TNFRSF19: variants seen among roughly 807,000 people sequenced by gnomAD.
TNFRSF19 encodes TNF receptor superfamily member 19, also known as tumor necrosis factor receptor superfamily member 19.
In TNFRSF19, 27 loss-of-function variants were observed where a neutral mutation model predicts 46.4. The observed-to-expected ratio is 0.58, with a 90% CI of 0.43 to 0.80. The LOEUF is 0.80. Ranked by LOEUF, TNFRSF19 falls within the 30% of genes least tolerant of loss-of-function variation. The pLI, the probability that TNFRSF19 is intolerant of heterozygous loss-of-function variation, is 0.00. For synonymous variants in TNFRSF19, 204 were observed against 205.0 expected (o/e 1.00, Z 0.04); for missense variants, 511 against 530.8 (o/e 0.96, Z 0.37).
At chr13:23,620,300 C>T (rs1485256563) in intron 4 of TNFRSF19, among the ~76,000 whole-genome samples, 1 of 152,174 alleles carries the variant, frequency 6.6e-6, no homozygotes, top group Non-Finnish European at 1.5e-5. Flanking sequence ...AGGCAAAAGG[C>T]AGGCATTGCT....
intron 4 of TNFRSF19, 22 bp from the exon 5 acceptor site, chr13:23,626,685 A>C: frequency 1.2e-6 from 2 of 1,609,852 alleles, no homozygotes; most frequent in Non-Finnish European, 1.7e-6. Flanking sequence ...GTTAACAAGG[A>C]GTATTTTCCT....
intron 4 of TNFRSF19, 105 bp downstream of exon 4, chr13:23,616,150 T>G: frequency 8.4e-7 from 1 of 1,185,144 alleles, no homozygotes; most frequent in Non-Finnish European, 1.2e-6. Context: ...GGTATTAACC[T>G]GAAGATGCTG....
intron 4 of TNFRSF19, 73 bp downstream of exon 4, chr13:23,616,118 A>G: frequency 1.4e-6 from 2 of 1,460,858 alleles, no homozygotes; most frequent in South Asian, 1.4e-5. Flanking sequence ...CCCTTGTTCC[A>G]TTCTAAACTG....
At chr13:23,590,061 T>G in intron 1 of TNFRSF19, 89 bp from the exon 2 acceptor site, 1 of 568,554 alleles carries the variant, frequency 1.8e-6, no homozygotes, top group Non-Finnish European at 3.1e-6. Flanking sequence ...TTACCTAGTC[T>G]ATATAGTAAG....
chr13:23,617,861 G>A (rs913022746), intron 4 of TNFRSF19, among the ~76,000 whole-genome samples: 6 of 152,168 alleles, frequency 3.9e-5, no homozygotes, highest in Non-Finnish European at 8.8e-5. Context: ...CACATCATGG[G>A]AGTCTAACAT....
chr13:23,626,578 G>A (rs1882026362), intron 4 of TNFRSF19, 129 bp from the exon 5 acceptor site: 1 of 770,394 alleles, frequency 1.3e-6, no homozygotes, highest in South Asian at 1.8e-5. Flanking sequence ...GTCTACCTAA[G>A]ATACTATTAT....
intron 3 of TNFRSF19, among the ~76,000 whole-genome samples, chr13:23,596,949 C>G (rs1879774854): frequency 6.6e-6 from 1 of 152,196 alleles, no homozygotes; most frequent in South Asian, 2.1e-4. Flanking sequence ...GAAACTCACT[C>G]AAAGCCGCAC....
At chr13:23,649,243 A>G (rs960956562) in intron 5 of TNFRSF19, among the ~76,000 whole-genome samples, 4 of 152,062 alleles carry the variant, frequency 2.6e-5, no homozygotes, top group Non-Finnish European at 5.9e-5. Context: ...TACTGATTCA[A>G]TCTCTTCGGT....
intron 7 of TNFRSF19, among the ~76,000 whole-genome samples, chr13:23,665,473 T>C (rs2138408008): frequency 6.6e-6 from 1 of 152,318 alleles, no homozygotes; most frequent in Non-Finnish European, 1.5e-5. Flanking sequence ...TTTTTCCCTT[T>C]AACTTTTTAT....
intron 3 of TNFRSF19, among the ~76,000 whole-genome samples, chr13:23,604,855 A>C (rs547925177): frequency 6.6e-6 from 1 of 152,312 alleles, no homozygotes; most frequent in Middle Eastern, 3.4e-3. Context: ...CTAACTGTAA[A>C]ATGCAAAGCT....
chr13:23,602,590 C>T (rs1028221456), intron 3 of TNFRSF19, among the ~76,000 whole-genome samples: 9 of 152,040 alleles, frequency 5.9e-5, no homozygotes, highest in Admixed American at 3.9e-4. Flanking sequence ...GAAAATTCAC[C>T]AAGCTAGACC....
intron 1 of TNFRSF19, among the ~76,000 whole-genome samples, chr13:23,577,878 C>T (rs772533816): frequency 1.3e-5 from 2 of 151,984 alleles, no homozygotes; most frequent in Non-Finnish European, 2.9e-5. Context: ...TTCAGCCTGA[C>T]AGTAGCAGTG....
chr13:23,604,527 G>A (rs1419689182), intron 3 of TNFRSF19, among the ~76,000 whole-genome samples: 1 of 152,028 alleles, frequency 6.6e-6, no homozygotes, highest in Non-Finnish European at 1.5e-5. Context: ...ATATGTAGAG[G>A]CAAAAGACCC....
chr13:23,597,527 C>T (rs184332664), intron 3 of TNFRSF19, among the ~76,000 whole-genome samples: 1 of 152,258 alleles, frequency 6.6e-6, no homozygotes, highest in Non-Finnish European at 1.5e-5. Flanking sequence ...GACACATACA[C>T]CCTCCCTAGA....
intron 1 of TNFRSF19, among the ~76,000 whole-genome samples, chr13:23,582,652 G>T (rs575320794): frequency 6.6e-6 from 1 of 152,114 alleles, no homozygotes; most frequent in African/African-American, 2.4e-5. Context: ...AATCCTGATG[G>T]TGAACACATA....
At chr13:23,630,991 G>A (rs1458558135) in intron 5 of TNFRSF19, among the ~76,000 whole-genome samples, 2 of 152,110 alleles carry the variant, frequency 1.3e-5, no homozygotes, top group East Asian at 3.9e-4. Context: ...AGAAAAGAAA[G>A]CCTGAGCTGG....
rs1300016725 is a variant in TNFRSF19 at position 23,669,055 on chromosome 13, G to C, written c.1203G>C (p.Glu401Asp). Residue 401 changes from glutamate to aspartate, a missense_variant, in exon 9 of 10, where the codon GAG (glutamate) becomes GAC (aspartate). Physicochemically the swap from Glu to Asp is conservative, Grantham distance 45. Transcript: ENST00000248484. The stretch of plus-strand genomic sequence containing the variant: ...CTATGAGAAGCCAGCTAGATCAGGA[G>C]AGTGGTGCTGTCATCCACCCAGCCA... ...ALTMRSQLDQ[E>D]SGAVIHPATQ... 6.2e-7 allele frequency: 1 copy of C among 1,614,078 alleles called. No homozygotes were observed. The highest frequency in any genetic ancestry group is 8.5e-7 in the Non-Finnish European group (1 of 1,180,048).
chr13:23,604,590 C>G (rs1316949161), intron 3 of TNFRSF19, among the ~76,000 whole-genome samples: 1 of 151,996 alleles, frequency 6.6e-6, no homozygotes, highest in Non-Finnish European at 1.5e-5. Context: ...TGACACTACC[C>G]ACATCAAGAC....
rs1002664287 is a variant in TNFRSF19, at chr13:23,659,877, T to C, written c.611-488T>C. ...AAAGAAAATGTTACTAAGAGAATCA[T>C]AAGGGAGACAAAATAGATTTACTCT... On this transcript the variant is annotated intron_variant, in intron 6 of 9. Coordinates refer to ENST00000248484, the MANE Select transcript of TNFRSF19 (RefSeq NM_148957.4). The surrounding 1 kb of genome is among the most constrained non-coding windows in gnomAD (Gnocchi z 4.9). Among the ~76,000 whole-genome samples the C allele has an allele frequency of 6.6e-6, 1 of 152,096 alleles. No homozygotes were observed. Among genetic ancestry groups the C allele is most frequent in the African/African-American group, 2.4e-5 (1 of 41,402 alleles).
Sources: allele counts gnomAD v4.1 joint callset (sites outside exome capture counted in the v4.1 genomes callset), GRCh38; gene constraint gnomAD v4.1.1; non-coding constraint Gnocchi (gnomAD v3.1); transcripts MANE v1.5; gene names NCBI Gene and HGNC (gene_info 2026-07-23, HGNC 2026-07-21).